CDIN1: variants seen among roughly 807,000 people sequenced by gnomAD.
CDIN1 encodes CDAN1 interacting nuclease 1, also known as CDAN1-interacting nuclease 1.
In CDIN1, 33 loss-of-function variants were observed where a neutral mutation model predicts 45.3. That is an observed-to-expected ratio of 0.73 (90% confidence interval 0.55 to 0.97). The LOEUF is 0.97. Among genes scored for constraint, CDIN1 ranks in the 50% least tolerant of loss-of-function variants. The pLI is 0.00. For synonymous variants in CDIN1, 118 were observed against 124.4 expected (o/e 0.95, Z 0.34); for missense variants, 303 against 339.4 (o/e 0.89, Z 0.84).
At chr15:36,628,345 G>A (rs2039537496) in intron 1 of CDIN1, among the ~76,000 whole-genome samples, 1 of 152,138 alleles carries the variant, frequency 6.6e-6, no homozygotes, top group South Asian at 2.1e-4. Flanking sequence ...CTTTTACTTA[G>A]TAGAGCACAT....
intron 8 of CDIN1, among the ~76,000 whole-genome samples, chr15:36,704,041 C>T (rs911419749): frequency 3.3e-5 from 5 of 152,140 alleles, no homozygotes; most frequent in Admixed American, 1.3e-4. Flanking sequence ...TGATTTGTCC[C>T]TTCATCTACA....
At chr15:36,785,107 C>T (rs1023306589) in intron 10 of CDIN1, among the ~76,000 whole-genome samples, 16 of 152,258 alleles carry the variant, frequency 1.1e-4, no homozygotes, top group Middle Eastern at 3.4e-3. Context: ...CTCTGTGGTT[C>T]TTACTTTTGC....
intron 1 of CDIN1, 27 bp downstream of exon 1, chr15:36,579,988 A>G: frequency 6.3e-7 from 1 of 1,596,896 alleles, no homozygotes. Context: ...CCCCTCTCAC[A>G]GCCCTTTGCC....
chr15:36,714,489 A>C (rs1298644039), intron 10 of CDIN1, among the ~76,000 whole-genome samples: 1 of 152,166 alleles, frequency 6.6e-6, no homozygotes, highest in Non-Finnish European at 1.5e-5. Context: ...CTATGTGTCT[A>C]AATATGTAAA....
chr15:36,664,519 C>G (rs2041164533), intron 5 of CDIN1, among the ~76,000 whole-genome samples: 1 of 152,154 alleles, frequency 6.6e-6, no homozygotes. Flanking sequence ...GGTAATGCTT[C>G]CAACTGTTCG....
chr15:36,682,568 G>A (rs1037088202), intron 5 of CDIN1, among the ~76,000 whole-genome samples: 1 of 148,626 alleles, frequency 6.7e-6, no homozygotes, highest in African/African-American at 2.5e-5. Flanking sequence ...GAGCCCAAGA[G>A]TTCAGGACCT....
At chr15:36,733,501 A>G (rs903940244) in intron 10 of CDIN1, among the ~76,000 whole-genome samples, 6 of 152,064 alleles carry the variant, frequency 3.9e-5, no homozygotes, top group Non-Finnish European at 7.4e-5. Context: ...AGCCAAATGT[A>G]TTGTATTTTT....
At chr15:36,762,907 G>A (rs921776034) in intron 10 of CDIN1, among the ~76,000 whole-genome samples, 5 of 152,050 alleles carry the variant, frequency 3.3e-5, no homozygotes, top group Non-Finnish European at 7.4e-5. Context: ...GGACATTTGG[G>A]TTGGTTCCAA....
At chr15:36,766,097 A>G (rs1812630972) in intron 10 of CDIN1, among the ~76,000 whole-genome samples, 1 of 152,172 alleles carries the variant, frequency 6.6e-6, no homozygotes, top group Admixed American at 6.5e-5. Flanking sequence ...GGCAACTACC[A>G]GCTGCTCTCT....
intron 10 of CDIN1, among the ~76,000 whole-genome samples, chr15:36,774,187 G>A (rs1304400690): frequency 2.2e-5 from 3 of 139,048 alleles, no homozygotes; most frequent in Non-Finnish European, 4.6e-5. Flanking sequence ...TGCATGAGGG[G>A]AGACACAATC....
chr15:36,703,702 C>G (rs1404043573), intron 8 of CDIN1, among the ~76,000 whole-genome samples: 3 of 152,088 alleles, frequency 2.0e-5, no homozygotes, highest in African/African-American at 7.2e-5. Context: ...TGCATGGGTG[C>G]ACTGGCTCAC....
chr15:36,587,864 C>T (rs1321445669), intron 1 of CDIN1, among the ~76,000 whole-genome samples: 1 of 152,164 alleles, frequency 6.6e-6, no homozygotes, highest in Non-Finnish European at 1.5e-5. Context: ...AGTCAGGCTC[C>T]AGAATCTCTT....
chr15:36,754,408 C>G (rs2053553489), intron 10 of CDIN1, among the ~76,000 whole-genome samples: 2 of 151,942 alleles, frequency 1.3e-5, no homozygotes, highest in African/African-American at 2.4e-5. Context: ...AAATGGAGAA[C>G]AAACAGGATT....
intron 10 of CDIN1, chr15:36,790,162 C>G (rs1333959798): frequency 6.6e-6 from 1 of 152,200 alleles, no homozygotes; most frequent in Non-Finnish European, 1.5e-5. Flanking sequence ...CTGTTGGTCT[C>G]TTGAGATCTC....
intron 1 of CDIN1, among the ~76,000 whole-genome samples, chr15:36,616,802 G>A (rs1340587145): frequency 6.6e-6 from 1 of 151,926 alleles, no homozygotes; most frequent in Non-Finnish European, 1.5e-5. Context: ...GCGCATGCCT[G>A]TAATCCCAGC....
rs139597555 is a variant in CDIN1 at position 36,735,247 on chromosome 15, G to A, written c.716+25286G>A. Among the ~76,000 whole-genome samples the A allele has an allele frequency of 3.9e-5, 6 of 152,182 alleles. No homozygotes were observed. The East Asian group carries it at 5.8e-4, about 15-fold the overall frequency. On this transcript the variant is annotated intron_variant, in intron 10 of 10. Transcript: ENST00000566621. ...TTATTCTTTCAATATGATGAATTACGTCAGTTTATTGCATATGTCTGCATG... is the reference window on the plus strand; with the variant it reads ...TTATTCTTTCAATATGATGAATTACATCAGTTTATTGCATATGTCTGCATG...
chr15:36,579,983 C>G, intron 1 of CDIN1, 22 bp downstream of exon 1: 1 of 1,601,102 alleles, frequency 6.2e-7, no homozygotes, highest in Non-Finnish European at 8.5e-7. Flanking sequence ...TCTCTCCCCT[C>G]TCACAGCCCT....
chr15:36,598,443 A>G (rs1426568123), intron 1 of CDIN1, among the ~76,000 whole-genome samples: 1 of 152,244 alleles, frequency 6.6e-6, no homozygotes, highest in Non-Finnish European at 1.5e-5. Context: ...TCTCCCAGAC[A>G]TGATCAGGCC....
intron 10 of CDIN1, among the ~76,000 whole-genome samples, chr15:36,795,472 C>T (rs2054770707): frequency 6.6e-6 from 1 of 152,108 alleles, no homozygotes; most frequent in African/African-American, 2.4e-5. Flanking sequence ...CAAGATGGTA[C>T]AGTGAAACTT....
Sources: allele counts gnomAD v4.1 joint callset (sites outside exome capture counted in the v4.1 genomes callset), GRCh38; gene constraint gnomAD v4.1.1; transcripts MANE v1.5; gene names NCBI Gene and HGNC (gene_info 2026-07-23, HGNC 2026-07-21).